TRPV3: variants seen among roughly 807,000 people sequenced by gnomAD.
TRPV3 encodes the protein transient receptor potential cation channel subfamily V member 3, also known as VRL-3.
Under a neutral mutation model 87.1 loss-of-function variants are expected in TRPV3, and 88 were observed. The observed-to-expected ratio is 1.01, with a 90% CI of 0.85 to 1.21. The LOEUF (loss-of-function observed/expected upper bound fraction) is 1.21, where lower values mean the gene tolerates loss of function less well. Among genes scored for constraint, TRPV3 ranks in the 50% most tolerant of loss-of-function variants. The pLI is 0.00. For synonymous variants in TRPV3, 438 were observed against 423.3 expected (o/e 1.03, Z -0.43); for missense variants, 1,054 against 1,030.1 (o/e 1.02, Z -0.32).
intron 6 of TRPV3, among the ~76,000 whole-genome samples, chr17:3,540,471 C>T (rs2074448378): frequency 6.6e-6 from 1 of 152,112 alleles, no homozygotes; most frequent in Admixed American, 6.6e-5. Context: ...AAAGGGGAGG[C>T]TAAGAACAGG....
At chr17:3,554,514 T>C in intron 2 of TRPV3, 1 of 476,152 alleles carries the variant, frequency 2.1e-6, no homozygotes, top group Non-Finnish European at 3.7e-6. Flanking sequence ...GCTTCCCTAA[T>C]TGTGCCAGTC....
chr17:3,513,919 A>G lies in TRPV3; in HGVS notation c.2371T>C (p.Ter791GlnextTer27), dbSNP rs776384328. ...CACACCAGCTCTGGGTTCCGCTTCT[A>G]CACCGAGGTTTCCGGGAATTCCTCG... ...EVEEFPETSV[*>Q] is the part of the protein sequence containing the mutation. The change falls in exon 18 of 18, where the codon TAG (stop) becomes CAG (glutamine). Residue 791 changes from the stop codon to glutamine, a stop_lost. Coordinates refer to ENST00000576742, the MANE Select transcript of TRPV3 (RefSeq NM_145068.4). 6.2e-7 allele frequency: 1 copy of G among 1,613,976 alleles called. No homozygotes were observed. The highest frequency in any genetic ancestry group is 1.7e-5 in the Admixed American group (1 of 60,022).
rs1448275403 is a variant in TRPV3 at position 3,524,272 on chromosome 17, G to C, written c.1669C>G (p.Leu557Val). ...YLACLVLAMA[L>V]GWANMLYYTR... ...TAGTAGAGCATGTTCGCCCAGCCCA[G>C]GGCCATGGCCAGCACGAGGCAGGCG... is the stretch of plus-strand genomic sequence containing the variant. The change falls in exon 13 of 18, where the codon CTG becomes GTG. Residue 557 changes from leucine (L) to valine (V), a missense_variant. Physicochemically the swap from Leu to Val is conservative, Grantham distance 32. Coordinates refer to ENST00000576742, the MANE Select transcript of TRPV3 (RefSeq NM_145068.4). 1.2e-6 allele frequency: 2 copies of C among 1,614,234 alleles called. No individual in the cohort carries two copies. Among genetic ancestry groups the C allele is most frequent in the South Asian group, 2.2e-5 (2 of 91,090 alleles).
At chr17:3,551,867 A>ATTTTTTTTTTT (rs2074577917) in intron 2 of TRPV3, among the ~76,000 whole-genome samples, 1 of 23,992 alleles carries the variant, frequency 4.2e-5, no homozygotes, top group Admixed American at 4.9e-4. Flanking sequence ...CCTGTAATTT[A>ATTTTTTTTTTT]TTCTTTTTTT....
chr17:3,545,295 G>A, intron 2 of TRPV3, 24 bp from the exon 3 acceptor site: 3 of 1,574,440 alleles, frequency 1.9e-6, no homozygotes, highest in Non-Finnish European at 2.6e-6. Flanking sequence ...GAGGAAGCCT[G>A]TTAGGGCCGA....
intron 15 of TRPV3, among the ~76,000 whole-genome samples, chr17:3,517,190 C>T (rs2074190496): frequency 6.6e-6 from 1 of 152,044 alleles, no homozygotes; most frequent in Non-Finnish European, 1.5e-5. Flanking sequence ...TCTGAAAGTG[C>T]TGGGGTCCTG....
chr17:3,547,437 A>G (rs2074536983), intron 2 of TRPV3, among the ~76,000 whole-genome samples: 1 of 152,156 alleles, frequency 6.6e-6, no homozygotes, highest in East Asian at 1.9e-4. Flanking sequence ...CCTCGCCAAC[A>G]TGGTGAAACC....
In TRPV3 at chr17:3,543,455, G is replaced by T; in HGVS notation, c.466+19C>A. 6.2e-7 allele frequency: 1 copy of T among 1,611,370 alleles called. No individual in the cohort carries two copies. ...CAGGGCCCCCAGCCCTGCACCCTCTGCCAGGCTCAGACACTCACCAGGCAC... is the reference window on the plus strand; with the variant it reads ...CAGGGCCCCCAGCCCTGCACCCTCTTCCAGGCTCAGACACTCACCAGGCAC... On this transcript the variant is annotated intron_variant, in intron 5 of 17. Transcript: ENST00000576742.
chr17:3,551,130 G>A (rs944530217), intron 2 of TRPV3, among the ~76,000 whole-genome samples: 4 of 152,204 alleles, frequency 2.6e-5, no homozygotes, highest in East Asian at 1.9e-4. Flanking sequence ...GAAAAGCCCC[G>A]AAGGCAGAAC....
chr17:3,526,457 A>G (rs11078455), intron 12 of TRPV3, among the ~76,000 whole-genome samples: 55,821 of 151,154 alleles, frequency 0.37, 12,782 homozygotes, highest in Non-Finnish European at 0.51. Context: ...CAGCCTGGGC[A>G]ACAAGAGTAA....
intron 2 of TRPV3, chr17:3,546,494 A>G (rs1023433220): frequency 4.6e-5 from 16 of 346,930 alleles, no homozygotes; most frequent in Non-Finnish European, 8.1e-5. Context: ...GCAGTCAGAT[A>G]TGCATTTGTC....
intron 12 of TRPV3, 149 bp downstream of exon 12, chr17:3,526,705 G>C: frequency 1.5e-6 from 1 of 652,840 alleles, no homozygotes; most frequent in East Asian, 2.8e-5. Flanking sequence ...CTAGGAGGAA[G>C]AGAGGAGACC....
chr17:3,555,895 A>G (rs1345831948), intron 1 of TRPV3, among the ~76,000 whole-genome samples: 1 of 151,910 alleles, frequency 6.6e-6, no homozygotes, highest in African/African-American at 2.4e-5. Flanking sequence ...CTGTGGCTTC[A>G]GGCAGGCACA....
intron 4 of TRPV3, 117 bp from the exon 5 acceptor site, chr17:3,543,745 T>A: frequency 5.1e-6 from 7 of 1,368,236 alleles, no homozygotes; most frequent in Non-Finnish European, 7.1e-6. Flanking sequence ...CTCCCATGCC[T>A]GTCACAATGC....
chr17:3,557,341 C>T lies in TRPV3; in HGVS notation c.-3+335G>A, dbSNP rs2074642285. Among the ~76,000 whole-genome samples the T allele has an allele frequency of 6.6e-6, 1 of 152,218 alleles. No homozygotes were observed. Among genetic ancestry groups the T allele is most frequent in the African/African-American group, 2.4e-5 (1 of 41,458 alleles). ...TCACAATCCTGCCCCAGAAAGCCACCTCCCTGGGTCAGCCTCGGGAGGCAG... is the reference window on the plus strand; with the variant it reads ...TCACAATCCTGCCCCAGAAAGCCACTTCCCTGGGTCAGCCTCGGGAGGCAG... On this transcript the variant is annotated intron_variant, in intron 1 of 17. Coordinates refer to ENST00000576742, the MANE Select transcript of TRPV3 (RefSeq NM_145068.4). The surrounding 1 kb of genome is among the most constrained non-coding windows in gnomAD (Gnocchi z 4.5).
intron 12 of TRPV3, 94 bp downstream of exon 12, chr17:3,526,760 G>A: frequency 6.1e-6 from 6 of 991,346 alleles, no homozygotes; most frequent in Non-Finnish European, 9.4e-6. Context: ...CCGTGGCACA[G>A]TAGGATATTT....
rs757089690 is a variant in TRPV3, at chr17:3,518,869, G to A, written c.1811-19C>T. ...GCCAAGGCTAAGGGAACATAACAGG[G>A]TGCTCTCCTCAGCTCTCTGCCTGGT... On this transcript the variant is annotated intron_variant, in intron 14 of 17. Coordinates refer to ENST00000576742, the MANE Select transcript of TRPV3 (RefSeq NM_145068.4). This position sits in a 1 kb window ranked among gnomAD's most constrained non-coding sequence, Gnocchi z 4.3. The A allele has an allele frequency of 1.2e-5, 19 of 1,606,176 alleles. No homozygotes were observed. The highest frequency in any genetic ancestry group is 8.9e-5 in the South Asian group (8 of 89,726).
Position 3,554,858 on chromosome 17 carries a change from A to G in TRPV3, c.-2-6T>C. On this transcript the variant is annotated splice_region_variant and splice_polypyrimidine_tract_variant and intron_variant, in intron 1 of 17. Coordinates refer to ENST00000576742, the MANE Select transcript of TRPV3 (RefSeq NM_145068.4). ...CTTGGGGTGGGCTTTCATGGCTGGA[A>G]TACAACCACAGGGCAGATGCTCAGG... 1 of 1,600,484 alleles carries G rather than the reference A, an allele frequency of 6.2e-7. No individual in the cohort carries two copies. Among genetic ancestry groups the G allele is most frequent in the Non-Finnish European group, 8.5e-7 (1 of 1,171,356 alleles).
chr17:3,538,727 A>G (rs1458496863), intron 6 of TRPV3, among the ~76,000 whole-genome samples: 1 of 151,902 alleles, frequency 6.6e-6, no homozygotes, highest in East Asian at 1.9e-4. Context: ...TGGGATTACA[A>G]GCGTGCCCCA....
Sources: gnomAD v4.1 joint callset for allele counts (sites outside exome capture counted in the v4.1 genomes callset) on GRCh38, gnomAD v4.1.1 for gene constraint, Gnocchi (gnomAD v3.1) non-coding constraint, MANE v1.5 for transcripts, NCBI Gene and HGNC (gene_info 2026-07-23, HGNC 2026-07-21) for gene names.